Variants in RGS7 observed in about 807,000 individuals in gnomAD.
The protein encoded by RGS7 is regulator of G-protein signaling 7.
Under a neutral mutation model 81.1 loss-of-function variants are expected in RGS7, and 27 were observed. That is an observed-to-expected ratio of 0.33 (90% CI 0.25 to 0.46). The LOEUF is 0.46. RGS7 is among the 20% of genes least tolerant of loss of function. The pLI is 1.00. For missense variants in RGS7, 396 were observed against 607.4 expected (o/e 0.65, Z 3.66); for synonymous variants, 208 against 207.7 (o/e 1.00, Z -0.01).
At chr1:241,250,804 G>T (rs1053067469) in intron 2 of RGS7, among the ~76,000 whole-genome samples, 1 of 152,172 alleles carries the variant, frequency 6.6e-6, no homozygotes, top group Non-Finnish European at 1.5e-5. Context: ...AAGAAATATT[G>T]GTACCATAAG....
chr1:241,222,513 G>C (rs954083624), intron 2 of RGS7, among the ~76,000 whole-genome samples: 17 of 152,244 alleles, frequency 1.1e-4, no homozygotes, highest in African/African-American at 2.4e-4. Flanking sequence ...TTGGTGAAAG[G>C]CTTCATCTGG....
chr1:240,845,673 A>G (rs1658943039), intron 9 of RGS7, among the ~76,000 whole-genome samples: 2 of 152,234 alleles, frequency 1.3e-5, no homozygotes, highest in Non-Finnish European at 2.9e-5. Flanking sequence ...AATAAGTGGT[A>G]TGATAAATCT....
chr1:241,105,671 T>C (rs2065048002), intron 2 of RGS7, among the ~76,000 whole-genome samples: 1 of 152,234 alleles, frequency 6.6e-6, no homozygotes, highest in Non-Finnish European at 1.5e-5. Flanking sequence ...GCCGGAACTT[T>C]ACCACAATAT....
At chr1:241,235,934 A>G (rs202113493) in intron 2 of RGS7, among the ~76,000 whole-genome samples, 3,468 of 79,412 alleles carry the variant, frequency 0.044, 117 homozygotes, top group African/African-American at 0.12. Context: ...GAGAGAGAGA[A>G]AGACAGACAG....
At chr1:240,802,458 C>T (rs1054064894) in intron 16 of RGS7, among the ~76,000 whole-genome samples, 3 of 152,138 alleles carry the variant, frequency 2.0e-5, no homozygotes, top group Non-Finnish European at 2.9e-5. Flanking sequence ...AACATTCCGA[C>T]ATTTTGTCAT....
intron 14 of RGS7, among the ~76,000 whole-genome samples, chr1:240,807,671 CTT>C (rs1689103337): frequency 6.6e-6 from 1 of 152,160 alleles, no homozygotes; most frequent in Non-Finnish European, 1.5e-5. Flanking sequence ...ACCACCATGA[CTT>C]TTAGAAAGGA....
intron 2 of RGS7, among the ~76,000 whole-genome samples, chr1:241,286,844 G>C (rs2078838073): frequency 6.6e-6 from 1 of 152,120 alleles, no homozygotes; most frequent in Non-Finnish European, 1.5e-5. Context: ...CTCTTATTCT[G>C]TCTGGTGGCC....
chr1:241,276,372 A>G (rs4659596), intron 2 of RGS7, among the ~76,000 whole-genome samples: 1 of 151,984 alleles, frequency 6.6e-6, no homozygotes, highest in African/African-American at 2.4e-5. Context: ...ATAAAGCCTG[A>G]GAGGTTAATA....
intron 3 of RGS7, among the ~76,000 whole-genome samples, chr1:241,075,006 C>CT (rs2062708792): frequency 6.6e-6 from 1 of 152,162 alleles, no homozygotes; most frequent in Admixed American, 6.6e-5. Context: ...CCCCACAACT[C>CT]TTAGCATCCA....
At chr1:241,199,509 T>A (rs1026892480) in intron 2 of RGS7, among the ~76,000 whole-genome samples, 30 of 152,028 alleles carry the variant, frequency 2.0e-4, no homozygotes, top group African/African-American at 7.0e-4. Flanking sequence ...TATTAAAAAT[T>A]TTTCCTCTAA....
intron 2 of RGS7, among the ~76,000 whole-genome samples, chr1:241,192,092 G>GA: frequency 6.6e-6 from 1 of 151,024 alleles, no homozygotes. Flanking sequence ...GAATAGAAAG[G>GA]TTATTATCTA....
At chr1:240,910,368 A>T (rs1456758666) in intron 6 of RGS7, among the ~76,000 whole-genome samples, 1 of 152,200 alleles carries the variant, frequency 6.6e-6, no homozygotes, top group African/African-American at 2.4e-5. Flanking sequence ...GCTCATTCAT[A>T]TGTGGAAGCT....
At chr1:240,880,339 C>T (rs114448138) in intron 6 of RGS7, among the ~76,000 whole-genome samples, 1,652 of 152,342 alleles carry the variant, frequency 0.011, 33 homozygotes, top group African/African-American at 0.038. Context: ...TCGCTCCTGG[C>T]CCTGTGTTAA....
chr1:241,021,812 A>G (rs144435934), intron 3 of RGS7, among the ~76,000 whole-genome samples: 44 of 152,334 alleles, frequency 2.9e-4, no homozygotes, highest in African/African-American at 1.0e-3. Context: ...CTGAGATTTG[A>G]AGCACTAACC....
chr1:240,820,887 C>A (rs1691656221), intron 10 of RGS7, among the ~76,000 whole-genome samples: 1 of 152,148 alleles, frequency 6.6e-6, no homozygotes, highest in South Asian at 2.1e-4. Context: ...CCACAAAGTA[C>A]AAGAAGCCTT....
intron 6 of RGS7, chr1:240,920,613 T>A (rs1323601618): frequency 9.3e-7 from 1 of 1,077,326 alleles, no homozygotes; most frequent in Non-Finnish European, 1.4e-6. Context: ...AAGATTTTAA[T>A]TAGGAAACAA....
intron 5 of RGS7, among the ~76,000 whole-genome samples, chr1:240,931,383 C>A (rs1164138714): frequency 6.6e-6 from 1 of 152,066 alleles, no homozygotes; most frequent in Admixed American, 6.5e-5. Context: ...AACAGGGTGA[C>A]TCGAGTCAAT....
At chr1:241,205,391 C>G (rs958686736) in intron 2 of RGS7, among the ~76,000 whole-genome samples, 3 of 151,370 alleles carry the variant, frequency 2.0e-5, no homozygotes, top group Non-Finnish European at 4.4e-5. Context: ...CATTTGTCAT[C>G]ATTTTTTAAC....
chr1:241,256,662 C>A (rs2077063598), intron 2 of RGS7, among the ~76,000 whole-genome samples: 1 of 152,098 alleles, frequency 6.6e-6, no homozygotes, highest in Admixed American at 6.5e-5. Flanking sequence ...TGGCCAATGA[C>A]TGCATTCTCG....
Sources: gnomAD v4.1 joint callset for allele counts (sites outside exome capture counted in the v4.1 genomes callset) on GRCh38, gnomAD v4.1.1 for gene constraint, MANE v1.5 for transcripts, NCBI Gene and HGNC (gene_info 2026-07-23, HGNC 2026-07-21) for gene names.